Variants in SNX4 observed in about 807,000 individuals in gnomAD.
SNX4 encodes sorting nexin-4.
Under a neutral mutation model 70.8 loss-of-function variants are expected in SNX4, and 49 were observed. That is an observed-to-expected ratio of 0.69 (90% CI 0.55 to 0.88). The LOEUF (loss-of-function observed/expected upper bound fraction) is 0.88, where lower values mean the gene tolerates loss of function less well. SNX4 is among the 40% of genes least tolerant of loss of function. The pLI is 0.00. For synonymous variants in SNX4, 206 were observed against 183.8 expected, an observed-to-expected ratio of 1.12 and a Z score of -0.98; for missense variants, 528 against 544.8, an observed-to-expected ratio of 0.97 and a Z score of 0.31.
At chr3:125,457,572 C>CT (rs1005344428) in intron 10 of SNX4, among the ~76,000 whole-genome samples, 15,903 of 110,376 alleles carry the variant, frequency 0.14, 1,515 homozygotes, top group African/African-American at 0.2. Flanking sequence ...TTCATATATT[C>CT]TTTTTTTTTT....
At chr3:125,514,957 T>A (rs1580013640) in intron 1 of SNX4, among the ~76,000 whole-genome samples, 2 of 151,354 alleles carry the variant, frequency 1.3e-5, no homozygotes, top group Admixed American at 1.3e-4. Flanking sequence ...AGCCACTGCA[T>A]CCAGCCCAAT....
At chr3:125,502,852 TCA>T (rs1491112881) in intron 2 of SNX4, among the ~76,000 whole-genome samples, 1 of 60,862 alleles carries the variant, frequency 1.6e-5, no homozygotes, top group Non-Finnish European at 2.6e-5. Context: ...AGACTCCATC[TCA>T]AAAAAAAAAA....
At chr3:125,495,209 T>C (rs1252466349) in intron 5 of SNX4, among the ~76,000 whole-genome samples, 1 of 139,906 alleles carries the variant, frequency 7.1e-6, no homozygotes, top group African/African-American at 2.5e-5. Flanking sequence ...GCCAAACATA[T>C]GACCTCCAGA....
chr3:125,509,149 A>G (rs536487866), intron 1 of SNX4, among the ~76,000 whole-genome samples: 2 of 151,934 alleles, frequency 1.3e-5, no homozygotes, highest in African/African-American at 4.8e-5. Flanking sequence ...CCTGGCCCAC[A>G]TGGTGAAACC....
intron 11 of SNX4, among the ~76,000 whole-genome samples, chr3:125,457,052 A>G (rs1579973585): frequency 6.6e-6 from 1 of 152,208 alleles, no homozygotes; most frequent in Non-Finnish European, 1.5e-5. Context: ...TATACAGTAC[A>G]TGGTTTTAAT....
At chr3:125,483,936 G>A (rs1451469284) in intron 6 of SNX4, among the ~76,000 whole-genome samples, 1 of 152,230 alleles carries the variant, frequency 6.6e-6, no homozygotes, top group Non-Finnish European at 1.5e-5. Context: ...ATGATTAGGT[G>A]TTCTTAGAGA....
At chr3:125,456,432 G>A (rs1933718042) in intron 11 of SNX4, among the ~76,000 whole-genome samples, 1 of 152,114 alleles carries the variant, frequency 6.6e-6, no homozygotes, top group South Asian at 2.1e-4. Context: ...AGGCGGAGGT[G>A]GGAGGATCAC....
rs144330359 is a variant in SNX4, at chr3:125,510,855, T to C, written c.142-6111A>G. On this transcript the variant is annotated intron_variant, in intron 1 of 13. Transcript: ENST00000251775. ...AGGCTGGTTGTACAATGTACGTGAA[T>C]GTACTTATGACTGAACATTTTTAAA... Among the ~76,000 whole-genome samples the C allele has an allele frequency of 2.6e-5, 4 of 152,326 alleles. No individual in the cohort carries two copies. The South Asian group carries it at 8.3e-4, about 32-fold the overall frequency.
At chr3:125,493,232 T>C (rs1934701209) in intron 5 of SNX4, among the ~76,000 whole-genome samples, 1 of 152,116 alleles carries the variant, frequency 6.6e-6, no homozygotes, top group African/African-American at 2.4e-5. Flanking sequence ...TATAGGAACA[T>C]GCCACCAAGC....
intron 9 of SNX4, among the ~76,000 whole-genome samples, chr3:125,463,611 G>C (rs1933935326): frequency 6.6e-6 from 1 of 152,052 alleles, no homozygotes; most frequent in Admixed American, 6.6e-5. Context: ...CATGGCCTAA[G>C]GAAAAGTAAT....
chr3:125,464,728 C>T (rs115975858), intron 9 of SNX4, among the ~76,000 whole-genome samples: 54 of 151,838 alleles, frequency 3.6e-4, no homozygotes, highest in African/African-American at 1.3e-3. Flanking sequence ...CATGCCACCA[C>T]TCCCTGCTAA....
At position 125,455,410 on chromosome 3, in the gene SNX4, C is replaced by T. The variant is rs555782965; in HGVS notation, c.1045-1455G>A. ...CATATTTAAAATCTGCATAACTCAA[C>T]GCTCAAACTTGGGCATCTATTAATA... On this transcript the variant is annotated intron_variant, in intron 11 of 13. Coordinates refer to ENST00000251775, the MANE Select transcript of SNX4 (RefSeq NM_003794.4). 1.2e-4 allele frequency among the ~76,000 whole-genome samples: 18 copies of T among 152,316 alleles called. No homozygotes were observed. The South Asian group carries it at 1.7e-3, about 14-fold the overall frequency.
chr3:125,463,627 G>C (rs1395422004), intron 9 of SNX4, among the ~76,000 whole-genome samples: 1 of 152,090 alleles, frequency 6.6e-6, no homozygotes, highest in African/African-American at 2.4e-5. Flanking sequence ...GTAATATTTA[G>C]ATAAACACAT....
Position 125,495,275 on chromosome 3 carries a change from T to TATATATATATACAC in SNX4, c.597+2065_597+2066insGTGTATATATATAT. Among the ~76,000 whole-genome samples, 104 of 83,054 alleles carry TATATATATATACAC rather than the reference T, an allele frequency of 1.3e-3. 2 individuals are homozygous for TATATATATATACAC. The highest frequency in any genetic ancestry group is 6.7e-3 in the Middle Eastern group (1 of 150). 54.5% of individuals were successfully genotyped at this position (83,054 alleles called of 152,430 possible). On this transcript the variant is annotated intron_variant, in intron 5 of 13. Transcript: ENST00000251775. ...TTATATATATATATATATATATATA[T>TATATATATATACAC]ATACACATACACACACACACACGTA... is the stretch of plus-strand genomic sequence containing the variant.
At chr3:125,505,883 C>T (rs1935033546) in intron 1 of SNX4, among the ~76,000 whole-genome samples, 1 of 152,120 alleles carries the variant, frequency 6.6e-6, no homozygotes. Context: ...ATCAGTTCAT[C>T]CCAGGAGGTC....
In SNX4 at chr3:125,504,762, A is replaced by G. The variant is rs202198492; in HGVS notation, c.142-18T>C. 6.2e-7 allele frequency: 1 copy of G among 1,608,382 alleles called. No homozygotes were observed. Among genetic ancestry groups the G allele is most frequent in the African/African-American group, 1.3e-5 (1 of 74,600 alleles). On this transcript the variant is annotated intron_variant, in intron 1 of 13. Coordinates refer to ENST00000251775, the MANE Select transcript of SNX4 (RefSeq NM_003794.4). ...TGTGTCATCTGGACAAAAGTAAATA[A>G]AACAACAACAACAACAAAAACCTTT...
At chr3:125,494,055 A>G (rs1188536554) in intron 5 of SNX4, among the ~76,000 whole-genome samples, 1 of 151,724 alleles carries the variant, frequency 6.6e-6, no homozygotes, top group Non-Finnish European at 1.5e-5. Flanking sequence ...AAAAAAGAAA[A>G]TATTAATCTA....
Position 125,499,984 on chromosome 3 carries a change from C to T in SNX4, c.264-1790G>A, listed in dbSNP as rs138419187. 2.2e-3 allele frequency among the ~76,000 whole-genome samples: 341 copies of T among 151,878 alleles called. 1 individual carries two copies. The highest frequency in any genetic ancestry group is 8.0e-3 in the African/African-American group (332 of 41,410). ...CTGAGACAGGAGAATTGCTTGAACC[C>T]GGGAGGCAGAGGTTGCACTGAGCTG... On this transcript the variant is annotated intron_variant, in intron 2 of 13. Coordinates refer to ENST00000251775, the MANE Select transcript of SNX4 (RefSeq NM_003794.4).
chr3:125,477,952 A>T (rs1475459188), intron 7 of SNX4, among the ~76,000 whole-genome samples: 1 of 152,162 alleles, frequency 6.6e-6, no homozygotes, highest in African/African-American at 2.4e-5. Context: ...ACCAGCTTTC[A>T]GGACAAAGTT....
Sources: gnomAD v4.1 joint callset for allele counts (sites outside exome capture counted in the v4.1 genomes callset) on GRCh38, gnomAD v4.1.1 for gene constraint, MANE v1.5 for transcripts, NCBI Gene and HGNC (gene_info 2026-07-23, HGNC 2026-07-21) for gene names.